The following ELF1 variants were observed in gnomAD, a reference collection of about 807,000 sequenced individuals.
The protein encoded by ELF1 is ETS-related transcription factor Elf-1.
Under a neutral mutation model 59.9 loss-of-function variants are expected in ELF1, and 24 were observed. The ratio of observed to expected loss-of-function variants is 0.40; its 90% confidence interval spans 0.29 to 0.56. ELF1 has a LOEUF of 0.56. Among genes scored for constraint, ELF1 ranks in the 20% least tolerant of loss-of-function variants. The pLI is 0.44. For synonymous variants in ELF1, 248 were observed against 266.2 expected (o/e 0.93, Z 0.67); for missense variants, 627 against 742.2 (o/e 0.84, Z 1.80).
intron 1 of ELF1, among the ~76,000 whole-genome samples, chr13:41,042,971 T>C (rs1163753010): frequency 6.6e-6 from 1 of 152,222 alleles, no homozygotes; most frequent in South Asian, 2.1e-4. Context: ...GCCTGTTCTT[T>C]CCTGACTTTT....
chr13:40,989,578 TATTA>T (rs1475940590), intron 1 of ELF1, among the ~76,000 whole-genome samples: 1 of 152,072 alleles, frequency 6.6e-6, no homozygotes, highest in Non-Finnish European at 1.5e-5. Context: ...TTGAATTCTT[TATTA>T]ATTCAAAACA....
chr13:41,008,848 T>G (rs1257678683), intron 1 of ELF1, among the ~76,000 whole-genome samples: 1 of 152,188 alleles, frequency 6.6e-6, no homozygotes, highest in Non-Finnish European at 1.5e-5. Flanking sequence ...ACAGATTTCA[T>G]GCAAAAGCAA....
chr13:41,029,084 A>C (rs1010497155), intron 1 of ELF1, among the ~76,000 whole-genome samples: 1 of 152,218 alleles, frequency 6.6e-6, no homozygotes, highest in Admixed American at 6.5e-5. Flanking sequence ...ATTGTGGGAC[A>C]TAAGAGAACA....
chr13:41,010,168 G>A (rs1374910775), intron 1 of ELF1, among the ~76,000 whole-genome samples: 1 of 150,210 alleles, frequency 6.7e-6, no homozygotes, highest in Non-Finnish European at 1.5e-5. Flanking sequence ...TATTTTGGGA[G>A]GCCAAGATAA....
chr13:41,025,496 C>T (rs1417525198), intron 1 of ELF1, among the ~76,000 whole-genome samples: 2 of 152,216 alleles, frequency 1.3e-5, no homozygotes, highest in African/African-American at 4.8e-5. Flanking sequence ...AACCTTGACA[C>T]TCCATACATT....
At chr13:41,012,641 T>C (rs1475335488) in intron 1 of ELF1, among the ~76,000 whole-genome samples, 1 of 151,562 alleles carries the variant, frequency 6.6e-6, no homozygotes, top group Non-Finnish European at 1.5e-5. Flanking sequence ...ACTCCTGGGC[T>C]CAAGCAATCC....
chr13:41,008,312 A>C (rs1674980031), intron 1 of ELF1, among the ~76,000 whole-genome samples: 3 of 152,204 alleles, frequency 2.0e-5, no homozygotes, highest in African/African-American at 7.2e-5. Context: ...ATCTGGCAGA[A>C]ATTTTTCCAA....
intron 8 of ELF1, among the ~76,000 whole-genome samples, chr13:40,937,041 T>G (rs1423679811): frequency 6.6e-6 from 1 of 152,202 alleles, no homozygotes; most frequent in Admixed American, 6.5e-5. Flanking sequence ...TGCAAATATA[T>G]TGGCTTATTG....
intron 1 of ELF1, among the ~76,000 whole-genome samples, chr13:41,047,341 G>T (rs1410944868): frequency 6.6e-6 from 1 of 152,178 alleles, no homozygotes; most frequent in African/African-American, 2.4e-5. Flanking sequence ...TCCTTTGGAG[G>T]GGGAGAAGTG....
chr13:41,058,963 G>A (rs1232534962), intron 1 of ELF1, among the ~76,000 whole-genome samples: 1 of 151,824 alleles, frequency 6.6e-6, no homozygotes, highest in African/African-American at 2.4e-5. Flanking sequence ...AACAGAGCGA[G>A]ACTCCGTCTC....
At chr13:40,940,497 A>T (rs4343141) in intron 8 of ELF1, among the ~76,000 whole-genome samples, 79,919 of 151,144 alleles carry the variant, frequency 0.53, 24,678 homozygotes, top group Non-Finnish European at 0.68. Flanking sequence ...GAACTTTAGA[A>T]TTGTTCGAAG....
chr13:41,051,341 A>G (rs751499650), intron 1 of ELF1, among the ~76,000 whole-genome samples: 27 of 151,778 alleles, frequency 1.8e-4, no homozygotes, highest in Non-Finnish European at 3.2e-4. Flanking sequence ...CTCCTCCTTC[A>G]CTACTGCCCC....
intron 1 of ELF1, among the ~76,000 whole-genome samples, chr13:41,037,816 G>T (rs1167392748): frequency 6.6e-6 from 1 of 151,348 alleles, no homozygotes; most frequent in Non-Finnish European, 1.5e-5. Flanking sequence ...AGAAAAAAAA[G>T]AAAAAAGAAA....
In ELF1 at chr13:40,987,600, A is replaced by G. The variant is rs73176918; in HGVS notation, c.-228-5318T>C. On this transcript the variant is annotated intron_variant, in intron 1 of 8. Transcript: ENST00000239882. ...ACTCTGTCTCAAAAAAAAAAAAAAA[A>G]AAAAGAAAGAAAATTAATAAAGAGA... Among the ~76,000 whole-genome samples, 192 of 143,678 alleles carry G rather than the reference A, an allele frequency of 1.3e-3. 8 individuals are homozygous for G. Among genetic ancestry groups the G allele is most frequent in the Non-Finnish European group, 1.9e-3 (126 of 65,994 alleles). The allele number at this position is 143,678 out of a possible 152,430, so 94.3% of individuals were successfully genotyped here.
Position 40,993,070 on chromosome 13 carries a change from T to C in ELF1, c.-228-10788A>G, listed in dbSNP as rs545350502. 8.6e-5 allele frequency: 138 copies of C among 1,608,234 alleles called. 3 individuals are homozygous for C. In the Middle Eastern group the frequency reaches 3.4e-3, roughly 39 times the overall value. On this transcript the variant is annotated intron_variant, in intron 1 of 8. Transcript: ENST00000239882. ...AGGTTTCTTCCTGCTGGGGCCTTCATCATCTTGTCAAAATTTTGAGACCAG... is the reference window on the plus strand; with the variant it reads ...AGGTTTCTTCCTGCTGGGGCCTTCACCATCTTGTCAAAATTTTGAGACCAG...
At chr13:40,946,434 C>T (rs1265329196) in intron 5 of ELF1, among the ~76,000 whole-genome samples, 1 of 152,208 alleles carries the variant, frequency 6.6e-6, no homozygotes, top group Non-Finnish European at 1.5e-5. Context: ...CAGGCAACCA[C>T]TCATCTGTTT....
chr13:41,060,717 AAAAAG>A (rs1877516013), intron 1 of ELF1: 1 of 162,850 alleles, frequency 6.1e-6, no homozygotes, highest in Admixed American at 6.5e-5. Flanking sequence ...AGTTGCAAAA[AAAAAG>A]AAAAATAAGG....
intron 3 of ELF1, among the ~76,000 whole-genome samples, chr13:40,954,466 CCTCTCTTT>C (rs1305832738): frequency 4.0e-5 from 6 of 148,664 alleles, no homozygotes; most frequent in African/African-American, 9.8e-5. Flanking sequence ...TCTCCCTCTC[CCTCTCTTT>C]CCACGGTCTC....
At chr13:40,977,049 C>T (rs1235383583) in intron 2 of ELF1, among the ~76,000 whole-genome samples, 1 of 151,924 alleles carries the variant, frequency 6.6e-6, no homozygotes, top group African/African-American at 2.4e-5. Flanking sequence ...AGAAATTCTA[C>T]TTTTAAAACC....
Sources: gnomAD v4.1 joint callset for allele counts (sites outside exome capture counted in the v4.1 genomes callset) on GRCh38, gnomAD v4.1.1 for gene constraint, MANE v1.5 for transcripts, NCBI Gene and HGNC (gene_info 2026-07-23, HGNC 2026-07-21) for gene names.